Variants in PPIL2 observed in about 807,000 individuals in gnomAD.
The protein encoded by PPIL2 is RING-type E3 ubiquitin-protein ligase PPIL2.
In PPIL2, 50 loss-of-function variants were observed where a neutral mutation model predicts 75.2. The observed-to-expected ratio is 0.66, with a 90% CI of 0.53 to 0.84. The LOEUF is 0.84. PPIL2 is among the 40% of genes least tolerant of loss of function. The pLI, the probability that PPIL2 is intolerant of heterozygous loss-of-function variation, is 0.00. For synonymous variants in PPIL2, 245 were observed against 258.8 expected (o/e 0.95, Z 0.51); for missense variants, 590 against 685.0 (o/e 0.86, Z 1.55).
Position 21,684,927 on chromosome 22 carries a change from G to A in PPIL2, c.714+14G>A, listed in dbSNP as rs1397806124. On this transcript the variant is annotated intron_variant, in intron 10 of 19. Transcript: ENST00000398831. ...AAGCTGAACGCTGTGAGTGGCGGAG[G>A]GCACTCGGCCAAGCCCAAGCCCCGT... The A allele has an allele frequency of 6.2e-7, 1 of 1,612,764 alleles. No individual in the cohort carries two copies. Among genetic ancestry groups the A allele is most frequent in the East Asian group, 2.2e-5 (1 of 44,852 alleles).
chr22:21,669,745 C>T (rs1418834321), intron 1 of PPIL2, among the ~76,000 whole-genome samples, 168 bp from the exon 2 acceptor site: 1 of 152,230 alleles, frequency 6.6e-6, no homozygotes, highest in Non-Finnish European at 1.5e-5. Context: ...AGTGATTCGC[C>T]TGCCTCGGGC....
Position 21,672,346 on chromosome 22 carries a change from C to T in PPIL2, c.208C>T (p.Leu70Phe). The T allele has an allele frequency of 1.2e-6, 2 of 1,612,828 alleles. No homozygotes were observed. Among genetic ancestry groups the T allele is most frequent in the Non-Finnish European group, 1.7e-6 (2 of 1,178,854 alleles). Residue 70 changes from leucine to phenylalanine, a missense_variant, in exon 5 of 20, where the codon CTT becomes TTT. Transcript: ENST00000398831. ...TCCCTTCAGGAACATTGTTCCATGG[C>T]TTAAGAAGTACGGGACCAACCCCAG... Reference protein sequence around the residue: ...VFDLLNIVPWLKKYGTNPSNG... With the variant: ...VFDLLNIVPWFKKYGTNPSNG...
At chr22:21,676,993 A>ACCTC (rs889548857) in intron 6 of PPIL2, among the ~76,000 whole-genome samples, 9 of 142,934 alleles carry the variant, frequency 6.3e-5, no homozygotes, top group African/African-American at 2.4e-4. Flanking sequence ...GCTGCCCCCC[A>ACCTC]CCTCCCTCTT....
downstream of PPIL2, chr22:21,699,316 C>G (rs538484690): frequency 6.5e-6 from 1 of 152,740 alleles, no homozygotes; most frequent in Non-Finnish European, 1.5e-5. Context: ...GCTCAGTGCT[C>G]TCCTATCTGC....
At chr22:21,692,325 T>G (rs1203080567) in intron 15 of PPIL2, among the ~76,000 whole-genome samples, 2 of 151,760 alleles carry the variant, frequency 1.3e-5, no homozygotes, top group Non-Finnish European at 2.9e-5. Flanking sequence ...TGGCTAATTT[T>G]TTGTATTTTT....
intron 10 of PPIL2, among the ~76,000 whole-genome samples, chr22:21,685,178 G>C (rs1037226129): frequency 6.6e-6 from 1 of 152,242 alleles, no homozygotes; most frequent in Non-Finnish European, 1.5e-5. Flanking sequence ...GTGTGTGGGG[G>C]CATGTAGGGG....
chr22:21,695,042 G>A lies in PPIL2; in HGVS notation c.1438G>A (p.Val480Met), dbSNP rs759574946. 1.1e-5 allele frequency: 18 copies of A among 1,610,868 alleles called. No individual in the cohort carries two copies. The highest frequency in any genetic ancestry group is 4.5e-5 in the East Asian group (2 of 44,870). Residue 480 changes from valine (V) to methionine (M), a missense_variant, in exon 19 of 20, where the codon GTG becomes ATG. Transcript: ENST00000398831. ...SQGPQTFRQG[V>M]GKYINPAATK... ...GGGCCCCCAGACCTTCCGCCAGGGC[G>A]TGGGCAAGTACATCAACCCAGCAGC...
rs535654439 is a variant in PPIL2 at position 21,674,133 on chromosome 22, G to A, written c.244-931G>A. 2.6e-5 allele frequency among the ~76,000 whole-genome samples: 4 copies of A among 152,270 alleles called. No individual in the cohort carries two copies. In the South Asian group the frequency reaches 6.2e-4, roughly 24 times the overall value. On this transcript the variant is annotated intron_variant, in intron 5 of 19. Transcript: ENST00000398831. ...TCTCCCCTGGGCCTGGGTAGGCATA[G>A]CTGGGCCCAGCCCACACCAGGTGGC...
intron 11 of PPIL2, 130 bp downstream of exon 11, chr22:21,686,688 CCT>C (rs1272205476): frequency 7.3e-6 from 8 of 1,089,518 alleles, no homozygotes; most frequent in African/African-American, 1.6e-5. Context: ...TAGTCCTCCC[CCT>C]CTTAGCTGCT....
intron 6 of PPIL2, 81 bp downstream of exon 6, chr22:21,675,196 C>G: frequency 7.6e-7 from 1 of 1,309,858 alleles, no homozygotes; most frequent in South Asian, 1.2e-5. Context: ...CATACGGAAT[C>G]AGTCATTGCT....
Position 21,696,453 on chromosome 22 carries a change from A to G in PPIL2, c.*963A>G. ...GCTCCAAGACTCTGCTCCTCCTGTCAGTCACTGACTCTGATGGCCTTGGGC... is the reference window on the plus strand; with the variant it reads ...GCTCCAAGACTCTGCTCCTCCTGTCGGTCACTGACTCTGATGGCCTTGGGC... On this transcript the variant is annotated 3_prime_UTR_variant, in exon 20 of 20. Coordinates refer to ENST00000398831, the MANE Select transcript of PPIL2 (RefSeq NM_014337.4). 3.3e-6 allele frequency: 4 copies of G among 1,199,118 alleles called. No individual in the cohort carries two copies. The South Asian group carries it at 6.5e-5, about 20-fold the overall frequency. The allele number at this position is 1,199,118 out of a possible 1,614,324, so 74.3% of individuals were successfully genotyped here.
intron 2 of PPIL2, 29 bp from the exon 3 acceptor site, chr22:21,670,537 T>G (rs2066592817): frequency 8.2e-6 from 13 of 1,583,452 alleles, no homozygotes; most frequent in Non-Finnish European, 1.0e-5. Context: ...CAGAGTAAGA[T>G]TTCTGTTTTT....
intron 7 of PPIL2, 88 bp downstream of exon 7, chr22:21,681,478 G>T: frequency 1.7e-6 from 2 of 1,202,730 alleles, no homozygotes; most frequent in South Asian, 1.3e-5. Flanking sequence ...TGTGTGCTAC[G>T]TGTACGGCCT....
At position 21,683,096 on chromosome 22, in the gene PPIL2, T is replaced by C. The variant is rs148210517; in HGVS notation, c.478-86T>C. ...GTAGCCCTGGCCTCTTCCACACCTCTGACAGCTGGCCGTCCTTTGCTGCAT... is the reference window on the plus strand; with the variant it reads ...GTAGCCCTGGCCTCTTCCACACCTCCGACAGCTGGCCGTCCTTTGCTGCAT... On this transcript the variant is annotated intron_variant, in intron 8 of 19. Transcript: ENST00000398831. The C allele has an allele frequency of 9.3e-6, 11 of 1,180,292 alleles. No homozygotes were observed. In the East Asian group the frequency reaches 2.1e-4, roughly 23 times the overall value. The allele number at this position is 1,180,292 out of a possible 1,614,324, so 73.1% of individuals were successfully genotyped here.
chr22:21,688,058 C>A lies in PPIL2; in HGVS notation c.988-15C>A. The A allele has an allele frequency of 3.7e-6, 6 of 1,614,164 alleles. No homozygotes were observed. Among genetic ancestry groups the A allele is most frequent in the Non-Finnish European group, 5.1e-6 (6 of 1,180,028 alleles). ...TCTCAGAGTGTGACTTGCTCACTGG[C>A]TTTTGTTTTCACAGATCCAAGGGGG... On this transcript the variant is annotated splice_polypyrimidine_tract_variant and intron_variant, in intron 13 of 19. Transcript: ENST00000398831.
chr22:21,668,031 C>A (rs1371215045), intron 1 of PPIL2, among the ~76,000 whole-genome samples: 4 of 152,072 alleles, frequency 2.6e-5, no homozygotes, highest in Non-Finnish European at 5.9e-5. Flanking sequence ...CCTACCTCTG[C>A]CTCCCAAAGT....
chr22:21,677,568 G>A (rs901973966), intron 6 of PPIL2, among the ~76,000 whole-genome samples: 40 of 152,212 alleles, frequency 2.6e-4, no homozygotes, highest in Non-Finnish European at 4.3e-4. Flanking sequence ...GTGGCGGCGC[G>A]CGCCTGCAAT....
At chr22:21,685,905 C>T (rs914552513) in intron 10 of PPIL2, among the ~76,000 whole-genome samples, 2 of 151,544 alleles carry the variant, frequency 1.3e-5, no homozygotes, top group Non-Finnish European at 2.9e-5. Context: ...CGTGGTGGCT[C>T]ACACCTGTAA....
chr22:21,679,586 G>C (rs1441618146), intron 6 of PPIL2, among the ~76,000 whole-genome samples: 2 of 151,684 alleles, frequency 1.3e-5, no homozygotes, highest in Non-Finnish European at 2.9e-5. Flanking sequence ...GGGTGATAGA[G>C]CTAGACCCTG....
Sources: gnomAD v4.1 joint callset for allele counts (sites outside exome capture counted in the v4.1 genomes callset) on GRCh38, gnomAD v4.1.1 for gene constraint, MANE v1.5 for transcripts, NCBI Gene and HGNC (gene_info 2026-07-23, HGNC 2026-07-21) for gene names.